The following CCBE1 variants were observed in gnomAD, a reference collection of about 807,000 sequenced individuals.
CCBE1 encodes the protein collagen and calcium binding EGF domains 1, also known as collagen and calcium-binding EGF domain-containing protein 1.
Under a neutral mutation model 50.0 loss-of-function variants are expected in CCBE1, and 37 were observed. The ratio of observed to expected loss-of-function variants is 0.74; its 90% CI spans 0.57 to 0.97. The LOEUF is 0.97. Ranked by LOEUF, CCBE1 falls within the 50% of genes least tolerant of loss-of-function variation. The probability of loss-of-function intolerance (pLI) is 0.00; values close to 1 mark genes in which losing one functional copy is unlikely to be tolerated. For missense variants in CCBE1, 538 were observed against 523.8 expected, an observed-to-expected ratio of 1.03 and a Z score of -0.26; for synonymous variants, 234 against 203.7, an observed-to-expected ratio of 1.15 and a Z score of -1.27.
intron 2 of CCBE1, among the ~76,000 whole-genome samples, chr18:59,689,703 G>A (rs1164376665): frequency 6.6e-6 from 1 of 152,214 alleles, no homozygotes; most frequent in Non-Finnish European, 1.5e-5. Flanking sequence ...GCTGGCCTAG[G>A]TGAACTGGGC....
At chr18:59,454,707 T>C (rs1911098229) in intron 6 of CCBE1, 144 bp downstream of exon 6, 1 of 765,132 alleles carries the variant, frequency 1.3e-6, no homozygotes, top group Non-Finnish European at 2.3e-6. Flanking sequence ...GGGCAAAACA[T>C]CCCAAGTCCA....
At chr18:59,661,302 G>A (rs1196569374) in intron 2 of CCBE1, among the ~76,000 whole-genome samples, 1 of 152,210 alleles carries the variant, frequency 6.6e-6, no homozygotes, top group Non-Finnish European at 1.5e-5. Context: ...CTGTTCACAT[G>A]CATTTGGTCT....
rs1022249920 is a variant in CCBE1, at chr18:59,432,124, T to A, written c.*3784A>T. The A allele has an allele frequency of 1.3e-4, 20 of 152,058 alleles. No homozygotes were observed. The highest frequency in any genetic ancestry group is 4.1e-4 in the African/African-American group (17 of 41,382). 9.4% of individuals were successfully genotyped at this position (152,058 alleles called of 1,614,324 possible). ...GTGCACCACCACGCCTGGCTAATTT[T>A]TTTTTTTATTTATTTTAGTAGAGAT... On this transcript the variant is annotated 3_prime_UTR_variant, in exon 11 of 11. Transcript: ENST00000439986.
chr18:59,476,510 A>T (rs756842214), intron 3 of CCBE1, among the ~76,000 whole-genome samples: 34 of 151,922 alleles, frequency 2.2e-4, no homozygotes, highest in Middle Eastern at 3.2e-3. Context: ...CTCTTTTGCA[A>T]CTACTCAACT....
At chr18:59,443,451 A>C (rs913390205) in intron 7 of CCBE1, among the ~76,000 whole-genome samples, 17 of 149,984 alleles carry the variant, frequency 1.1e-4, no homozygotes, top group South Asian at 2.1e-4. Context: ...GTGATAAAAA[A>C]TCCACAAAAT....
chr18:59,671,853 A>G (rs887546333), intron 2 of CCBE1, among the ~76,000 whole-genome samples: 16 of 151,854 alleles, frequency 1.1e-4, no homozygotes, highest in Non-Finnish European at 7.4e-5. Flanking sequence ...ACTCCTAGAG[A>G]GCAGATTTAA....
intron 2 of CCBE1, among the ~76,000 whole-genome samples, chr18:59,545,073 T>A (rs1915627820): frequency 6.6e-6 from 1 of 152,208 alleles, no homozygotes; most frequent in Non-Finnish European, 1.5e-5. Context: ...TTCACAGGCC[T>A]TAATTTTTCC....
intron 2 of CCBE1, among the ~76,000 whole-genome samples, chr18:59,481,168 T>C (rs1912552601): frequency 6.6e-6 from 1 of 152,126 alleles, no homozygotes; most frequent in African/African-American, 2.4e-5. Flanking sequence ...ATTATAGAAC[T>C]GACAAATAGA....
At chr18:59,497,434 C>T (rs1913406948) in intron 2 of CCBE1, among the ~76,000 whole-genome samples, 1 of 152,128 alleles carries the variant, frequency 6.6e-6, no homozygotes, top group Non-Finnish European at 1.5e-5. Flanking sequence ...ATACCCAAGA[C>T]ATCAAAAAGC....
rs562518605 is a variant in CCBE1 at position 59,556,087 on chromosome 18, C to T, written c.213-75849G>A. Among the ~76,000 whole-genome samples the T allele has an allele frequency of 1.7e-4, 26 of 152,312 alleles. No individual in the cohort carries two copies. In the South Asian group the frequency reaches 1.9e-3, roughly 11 times the overall value. On this transcript the variant is annotated intron_variant, in intron 2 of 10. Transcript: ENST00000439986. ...CTGCAAGCTCCCATGTCAGCCTTAA[C>T]GGGGCCCAGGACCTCTGTTCCTCCT...
At chr18:59,441,920 G>T (rs543206639) in intron 7 of CCBE1, among the ~76,000 whole-genome samples, 1 of 152,132 alleles carries the variant, frequency 6.6e-6, no homozygotes, top group Non-Finnish European at 1.5e-5. Flanking sequence ...CCCTACAGTG[G>T]CTCCCCTCTG....
intron 2 of CCBE1, among the ~76,000 whole-genome samples, chr18:59,674,139 G>T (rs2054468274): frequency 6.6e-6 from 1 of 152,104 alleles, no homozygotes; most frequent in South Asian, 2.1e-4. Context: ...ATACCCAAAG[G>T]ATTATAAATC....
chr18:59,487,094 G>A (rs1334865496), intron 2 of CCBE1, among the ~76,000 whole-genome samples: 1 of 148,200 alleles, frequency 6.7e-6, no homozygotes, highest in African/African-American at 2.5e-5. Flanking sequence ...CCAAAGCAAC[G>A]AGCTCCTTCT....
At chr18:59,610,830 G>A (rs1200592195) in intron 2 of CCBE1, among the ~76,000 whole-genome samples, 1 of 152,224 alleles carries the variant, frequency 6.6e-6, no homozygotes, top group Non-Finnish European at 1.5e-5. Flanking sequence ...TGGGTTTCAG[G>A]ATGCAGCTCC....
At chr18:59,671,450 A>G (rs1421925640) in intron 2 of CCBE1, among the ~76,000 whole-genome samples, 1 of 151,030 alleles carries the variant, frequency 6.6e-6, no homozygotes, top group Non-Finnish European at 1.5e-5. Context: ...GTGAGCCATG[A>G]TTGTACCATT....
chr18:59,657,162 A>T (rs113575143), intron 2 of CCBE1, among the ~76,000 whole-genome samples: 3,834 of 152,292 alleles, frequency 0.025, 151 homozygotes, highest in African/African-American at 0.088. Flanking sequence ...CGTATGCTAC[A>T]ACAAATGGTT....
intron 2 of CCBE1, among the ~76,000 whole-genome samples, chr18:59,512,052 G>A (rs367578889): frequency 2.0e-5 from 3 of 152,168 alleles, no homozygotes; most frequent in African/African-American, 7.2e-5. Flanking sequence ...TTCACCTGAG[G>A]TAGTTTACAC....
intron 2 of CCBE1, among the ~76,000 whole-genome samples, chr18:59,552,019 C>T (rs1915946709): frequency 6.6e-6 from 1 of 152,222 alleles, no homozygotes; most frequent in Non-Finnish European, 1.5e-5. Flanking sequence ...CTGTAACTGG[C>T]TCACAGCTGG....
rs572697218 is a variant in CCBE1 at position 59,539,236 on chromosome 18, G to T, written c.213-58998C>A. On this transcript the variant is annotated intron_variant, in intron 2 of 10. Transcript: ENST00000439986. ...AAAAAACAGCAAGAAAATAATGACA[G>T]ACCGTGACTGCCATCTTGCTGGCTC... Among the ~76,000 whole-genome samples the T allele has an allele frequency of 4.6e-4, 70 of 151,798 alleles. No individual in the cohort carries two copies. The Middle Eastern group carries it at 0.014, about 30-fold the overall frequency.
Sources: allele counts gnomAD v4.1 joint callset (sites outside exome capture counted in the v4.1 genomes callset), GRCh38; gene constraint gnomAD v4.1.1; transcripts MANE v1.5; gene names NCBI Gene and HGNC (gene_info 2026-07-23, HGNC 2026-07-21).